PDCD11: variants seen among roughly 807,000 people sequenced by gnomAD.
The protein encoded by PDCD11 is protein RRP5 homolog.
A neutral mutation model predicts 198.9 loss-of-function variants in PDCD11; 97 were observed. The observed-to-expected ratio is 0.49, with a 90% confidence interval of 0.41 to 0.58. PDCD11 has a LOEUF of 0.58. PDCD11 is among the 20% of genes least tolerant of loss of function. The pLI is 0.00. For missense variants in PDCD11, 2,102 were observed against 2,312.7 expected (o/e 0.91, Z 1.87); for synonymous variants, 893 against 918.0 (o/e 0.97, Z 0.49).
Position 103,405,375 on chromosome 10 carries a change from T to C in PDCD11, c.564+192T>C, listed in dbSNP as rs1359468090. 8 of 489,530 alleles carry C rather than the reference T, an allele frequency of 1.6e-5. No individual in the cohort carries two copies. In the Admixed American group the frequency reaches 3.0e-4, roughly 18 times the overall value. The allele number at this position is 489,530 out of a possible 1,614,324, so 30.3% of individuals were successfully genotyped here. A position where few individuals can be genotyped will look rare whatever the true frequency, so the allele number is the denominator to read the frequency against. ...GAAGACTTGAACCTAATCATTACATTGGAGAAGAGAAAAGAGAAAGCAAGT... is the reference window on the plus strand; with the variant it reads ...GAAGACTTGAACCTAATCATTACATCGGAGAAGAGAAAAGAGAAAGCAAGT... On this transcript the variant is annotated intron_variant, in intron 5 of 35. Coordinates refer to ENST00000369797, the MANE Select transcript of PDCD11 (RefSeq NM_014976.2).
In PDCD11 at chr10:103,445,847, T is replaced by C; in HGVS notation, c.*298T>C. 1 of 324,818 alleles carries C rather than the reference T, an allele frequency of 3.1e-6. No individual in the cohort carries two copies. The highest frequency in any genetic ancestry group is 5.8e-6 in the Non-Finnish European group (1 of 172,760). The allele number at this position is 324,818 out of a possible 1,614,324, so 20.1% of individuals were successfully genotyped here. A position where few individuals can be genotyped will look rare whatever the true frequency, so the allele number is the denominator to read the frequency against. On this transcript the variant is annotated 3_prime_UTR_variant, in exon 36 of 36. Transcript: ENST00000369797. ...GCTGAGGGTCCCTCTTCCAGGGGAG[T>C]TCCCTGGGGAGCAAGAGTAGAGGGG... is the stretch of plus-strand genomic sequence containing the variant.
At chr10:103,428,171 G>C (rs2031777856) in intron 21 of PDCD11, among the ~76,000 whole-genome samples, 1 of 152,142 alleles carries the variant, frequency 6.6e-6, no homozygotes, top group African/African-American at 2.4e-5. Context: ...CGGGTGTGGT[G>C]GCGGGCGCTT....
rs1165109395 is a variant in PDCD11, at chr10:103,434,292, G to C, written c.3609G>C (p.Leu1203=). The C allele has an allele frequency of 6.2e-7, 1 of 1,614,004 alleles. No individual in the cohort carries two copies. The highest frequency in any genetic ancestry group is 1.7e-5 in the Admixed American group (1 of 60,028). ...PDKKFRVGQA[L]RATVVGPDSS... ...AGAAGTTCCGGGTTGGCCAGGCCCT[G>C]AGGGCCACCGTTGTTGGCCCAGATT... is the stretch of plus-strand genomic sequence containing the variant. The change falls in exon 24 of 36, where the codon CTG becomes CTC. Residue 1203 remains leucine (L), a synonymous_variant. Coordinates refer to ENST00000369797, the MANE Select transcript of PDCD11 (RefSeq NM_014976.2).
chr10:103,413,082 T>C, intron 8 of PDCD11, 34 bp from the exon 9 acceptor site: 1 of 1,578,540 alleles, frequency 6.3e-7, no homozygotes, highest in Non-Finnish European at 8.7e-7. Context: ...CCTGTGTGCC[T>C]CCTCCTGCTC....
At chr10:103,402,995 A>G (rs1283914592) in intron 3 of PDCD11, 123 bp from the exon 4 acceptor site, 11 of 898,010 alleles carry the variant, frequency 1.2e-5, no homozygotes, top group Non-Finnish European at 1.9e-5. Context: ...TATTGGAATT[A>G]TAGGGCGTAA....
intron 4 of PDCD11, among the ~76,000 whole-genome samples, chr10:103,403,912 T>C (rs2030277990): frequency 6.6e-6 from 1 of 152,170 alleles, no homozygotes; most frequent in Non-Finnish European, 1.5e-5. Flanking sequence ...TAGGTTTCTG[T>C]TTTGCATGAT....
In PDCD11 at chr10:103,433,985, C is replaced by T; in HGVS notation, c.3512C>T (p.Ala1171Val). 1 of 1,613,898 alleles carries T rather than the reference C, an allele frequency of 6.2e-7. No homozygotes were observed. Among genetic ancestry groups the T allele is most frequent in the Non-Finnish European group, 8.5e-7 (1 of 1,179,790 alleles). The part of the protein sequence containing the change: ...VVKKWLEVEI[A>V]PDIRGRIPLL... Reference sequence around the variant, plus strand: ...AAGAAATGGCTTGAGGTGGAGATTGCCCCAGACATCCGGGGGAGAATTCCC... The same window carrying T: ...AAGAAATGGCTTGAGGTGGAGATTGTCCCAGACATCCGGGGGAGAATTCCC... The change falls in exon 23 of 36, where the codon GCC (alanine) becomes GTC (valine). Residue 1171 changes from alanine (A) to valine (V), a missense_variant. Ala to Val is a moderately conservative substitution (Grantham distance 64, BLOSUM62 0). Coordinates refer to ENST00000369797, the MANE Select transcript of PDCD11 (RefSeq NM_014976.2).
intron 35 of PDCD11, 81 bp from the exon 36 acceptor site, chr10:103,445,297 G>C: frequency 3.0e-6 from 4 of 1,353,870 alleles, no homozygotes; most frequent in Non-Finnish European, 4.2e-6. Flanking sequence ...TTCCAGGGCT[G>C]AGAGCAAGTG....
rs2032085912 is a variant in PDCD11 at position 103,434,881 on chromosome 10, C to T, written c.3751C>T (p.Pro1251Ser). The change falls in exon 25 of 36, where the codon CCC (proline) becomes TCC (serine). Residue 1251 changes from proline (P) to serine (S), a missense_variant. Pro to Ser is a moderately conservative substitution (Grantham distance 74). Transcript: ENST00000369797. ...CAACGAGGGGCTGACCGTCTCCTTC[C>T]CCTTTGGGAAGATAGGAACAGTCAG... ...TPNEGLTVSF[P>S]FGKIGTVSIF... The T allele has an allele frequency of 6.2e-7, 1 of 1,612,878 alleles. No homozygotes were observed. Among genetic ancestry groups the T allele is most frequent in the South Asian group, 1.1e-5 (1 of 90,900 alleles).
Position 103,440,801 on chromosome 10 carries a change from A to G in PDCD11, c.4508A>G (p.Tyr1503Cys). 6.2e-7 allele frequency: 1 copy of G among 1,614,108 alleles called. No individual in the cohort carries two copies. The highest frequency in any genetic ancestry group is 8.5e-7 in the Non-Finnish European group (1 of 1,180,000). ...SEEDDSLVDVYYREGKEEAEE... is the reference protein window; with the variant it reads ...SEEDDSLVDVCYREGKEEAEE... ...GAGGACGACAGCCTTGTGGACGTGTACTATCGGGAGGGAAAAGAGGAGGCA... is the reference window on the plus strand; with the variant it reads ...GAGGACGACAGCCTTGTGGACGTGTGCTATCGGGAGGGAAAAGAGGAGGCA... Residue 1503 changes from tyrosine to cysteine, a missense_variant, in exon 30 of 36, where the codon TAC (tyrosine) becomes TGC (cysteine). Physicochemically the swap from Tyr to Cys is radical, Grantham distance 194. Coordinates refer to ENST00000369797, the MANE Select transcript of PDCD11 (RefSeq NM_014976.2).
At chr10:103,445,090 G>A (rs555222760) in intron 35 of PDCD11, among the ~76,000 whole-genome samples, 1 of 152,294 alleles carries the variant, frequency 6.6e-6, no homozygotes, top group South Asian at 2.1e-4. Context: ...TCTCACTGTT[G>A]TGTCCCCCAT....
intron 3 of PDCD11, among the ~76,000 whole-genome samples, chr10:103,400,902 G>A (rs1200724490): frequency 6.6e-6 from 1 of 151,956 alleles, no homozygotes; most frequent in Non-Finnish European, 1.5e-5. Context: ...CTAAAGGTGT[G>A]TGTCACCATG....
At chr10:103,397,935 T>G (rs1321536834) in intron 1 of PDCD11, among the ~76,000 whole-genome samples, 2 of 152,234 alleles carry the variant, frequency 1.3e-5, no homozygotes, top group Non-Finnish European at 2.9e-5. Flanking sequence ...CTTTTACCCT[T>G]AAGCTAAAAA....
Position 103,444,533 on chromosome 10 carries a change from C to T in PDCD11, c.5295C>T (p.Ala1765=), listed in dbSNP as rs768731410. 3 of 1,613,998 alleles carry T rather than the reference C, an allele frequency of 1.9e-6. No individual in the cohort carries two copies. Among genetic ancestry groups the T allele is most frequent in the South Asian group, 2.2e-5 (2 of 91,066 alleles). ...LPSKEHVDVI[A]KFAQLEFQLG... is the part of the protein sequence containing the mutation. Reference sequence around the variant, plus strand: ...TCCCTGCAGATGTGGATGTCATTGCCAAGTTTGCCCAGCTTGAGTTTCAGC... The same window carrying T: ...TCCCTGCAGATGTGGATGTCATTGCTAAGTTTGCCCAGCTTGAGTTTCAGC... Residue 1765 remains alanine (A), a synonymous_variant, in exon 35 of 36, where the codon GCC becomes GCT. Transcript: ENST00000369797.
chr10:103,397,172 C>A (rs7893419), intron 1 of PDCD11, among the ~76,000 whole-genome samples: 32 of 148,812 alleles, frequency 2.2e-4, no homozygotes, highest in African/African-American at 7.7e-4. Flanking sequence ...ATACCCAGTT[C>A]TGGTTCTCAT....
In PDCD11 at chr10:103,414,043, T is replaced by C. The variant is rs776028176; in HGVS notation, c.1263T>C (p.Ile421=). 1 of 1,613,514 alleles carries C rather than the reference T, an allele frequency of 6.2e-7. No homozygotes were observed. The highest frequency in any genetic ancestry group is 1.1e-5 in the South Asian group (1 of 91,054). The change falls in exon 10 of 36, where the codon ATT becomes ATC. Residue 421 remains isoleucine (I), a synonymous_variant. Coordinates refer to ENST00000369797, the MANE Select transcript of PDCD11 (RefSeq NM_014976.2). ...FKPGNTHKCR[I]IDYSQMDELA... Reference sequence around the variant, plus strand: ...CAGGGAACACTCACAAGTGTAGAATTATTGACTACAGCCAAATGGATGAAC... The same window carrying C: ...CAGGGAACACTCACAAGTGTAGAATCATTGACTACAGCCAAATGGATGAAC...
intron 25 of PDCD11, among the ~76,000 whole-genome samples, chr10:103,436,723 C>T (rs537675293): frequency 1.1e-4 from 17 of 152,300 alleles, no homozygotes; most frequent in African/African-American, 2.4e-4. Context: ...GCCAAACCTA[C>T]GATAAATTAC....
chr10:103,440,622 TGGA>T, intron 29 of PDCD11, 41 bp downstream of exon 29: 1 of 1,609,362 alleles, frequency 6.2e-7, no homozygotes, highest in Non-Finnish European at 8.5e-7. Flanking sequence ...ATCCTCCTCC[TGGA>T]GGGACAGCCA....
chr10:103,444,627 G>A lies in PDCD11; in HGVS notation c.5389G>A (p.Val1797Ile), dbSNP rs778052796. 3.1e-6 allele frequency: 5 copies of A among 1,614,084 alleles called. No individual in the cohort carries two copies. The highest frequency in any genetic ancestry group is 1.7e-5 in the Admixed American group (1 of 60,006). ...TLSTYPKRTD[V>I]WSVYIDMTIK... ...GAGCACCTACCCAAAGCGCACAGAT[G>A]TCTGGTCGGTCTATATCGACATGAC... Residue 1797 changes from valine to isoleucine, a missense_variant, in exon 35 of 36, where the codon GTC (valine) becomes ATC (isoleucine). Physicochemically the swap from Val to Ile is conservative, Grantham distance 29. Coordinates refer to ENST00000369797, the MANE Select transcript of PDCD11 (RefSeq NM_014976.2).
Sources: gnomAD v4.1 joint callset for allele counts (sites outside exome capture counted in the v4.1 genomes callset) on GRCh38, gnomAD v4.1.1 for gene constraint, MANE v1.5 for transcripts, NCBI Gene and HGNC (gene_info 2026-07-23, HGNC 2026-07-21) for gene names.